TACR1: variants seen among roughly 807,000 people sequenced by gnomAD.
The protein encoded by TACR1 is substance-P receptor.
Under a neutral mutation model 35.8 loss-of-function variants are expected in TACR1, and 25 were observed. The observed-to-expected ratio is 0.70, with a 90% CI of 0.51 to 0.98. TACR1 has a LOEUF of 0.98. TACR1 is among the 50% of genes least tolerant of loss of function. The pLI is 0.00. For missense variants in TACR1, 478 were observed against 522.9 expected (o/e 0.91, Z 0.84); for synonymous variants, 195 against 206.7 (o/e 0.94, Z 0.48).
At chr2:75,195,309 A>G (rs2103636272) in intron 1 of TACR1, among the ~76,000 whole-genome samples, 1 of 152,012 alleles carries the variant, frequency 6.6e-6, no homozygotes, top group Non-Finnish European at 1.5e-5. Flanking sequence ...ACTCTTTCTA[A>G]TGGAGATATT....
chr2:75,148,016 G>A (rs192132086), intron 1 of TACR1, among the ~76,000 whole-genome samples: 6 of 152,024 alleles, frequency 3.9e-5, no homozygotes, highest in South Asian at 2.1e-4. Flanking sequence ...AAAGTGCTGC[G>A]ATTACAGTTG....
At position 75,054,352 on chromosome 2, in the gene TACR1, A is replaced by T. The variant is rs550680159; in HGVS notation, c.585-597T>A. On this transcript the variant is annotated intron_variant, in intron 2 of 4. Transcript: ENST00000305249. The stretch of plus-strand genomic sequence containing the variant: ...AGAATAATTAGCCTGAATGAGAGAG[A>T]TAAGAGTAATCCTAGAACTAGAATT... Among the ~76,000 whole-genome samples the T allele has an allele frequency of 1.2e-4, 18 of 152,322 alleles. No homozygotes were observed. The South Asian group carries it at 3.7e-3, about 32-fold the overall frequency.
At chr2:75,101,886 G>A (rs553042764) in intron 2 of TACR1, among the ~76,000 whole-genome samples, 1 of 152,274 alleles carries the variant, frequency 6.6e-6, no homozygotes, top group Admixed American at 6.5e-5. Flanking sequence ...GGAGGTTGCA[G>A]TGAACCGAGA....
intron 1 of TACR1, among the ~76,000 whole-genome samples, chr2:75,182,085 G>A (rs917097355): frequency 6.6e-6 from 1 of 152,226 alleles, no homozygotes; most frequent in Non-Finnish European, 1.5e-5. Context: ...CTTAGGCTAA[G>A]GATTAGACAG....
At chr2:75,091,408 A>G (rs950879844) in intron 2 of TACR1, among the ~76,000 whole-genome samples, 2 of 152,052 alleles carry the variant, frequency 1.3e-5, no homozygotes, top group Admixed American at 1.3e-4. Flanking sequence ...ATGGTTCATG[A>G]CCAATAATAA....
intron 2 of TACR1, among the ~76,000 whole-genome samples, chr2:75,073,145 T>A (rs1443606066): frequency 1.3e-5 from 2 of 152,224 alleles, no homozygotes; most frequent in Non-Finnish European, 2.9e-5. Context: ...CCCCTGAGAA[T>A]CTATAGTCAC....
chr2:75,080,516 G>A (rs1673067583), intron 2 of TACR1, among the ~76,000 whole-genome samples: 1 of 152,094 alleles, frequency 6.6e-6, no homozygotes, highest in Non-Finnish European at 1.5e-5. Context: ...GAAACATATT[G>A]AATTGCCCAT....
Position 75,162,939 on chromosome 2 carries a change from T to C in TACR1, c.389+35607A>G, listed in dbSNP as rs191854124. Among the ~76,000 whole-genome samples, 254 of 152,336 alleles carry C rather than the reference T, an allele frequency of 1.7e-3. 1 individual carries two copies. The highest frequency in any genetic ancestry group is 2.6e-3 in the Non-Finnish European group (176 of 68,028). On this transcript the variant is annotated intron_variant, in intron 1 of 4. Transcript: ENST00000305249. ...TACTGGGCCTACCTCATATTTTCCC[T>C]GTCCTGGTCCCATAAGAGATTATAC...
At chr2:75,195,100 A>G (rs1675934762) in intron 1 of TACR1, among the ~76,000 whole-genome samples, 1 of 152,180 alleles carries the variant, frequency 6.6e-6, no homozygotes, top group Non-Finnish European at 1.5e-5. Context: ...TTCAAATTTC[A>G]TGAAACATCA....
intron 1 of TACR1, among the ~76,000 whole-genome samples, chr2:75,159,425 A>G (rs1674946531): frequency 6.6e-6 from 1 of 152,206 alleles, no homozygotes; most frequent in Non-Finnish European, 1.5e-5. Context: ...TGATATAACT[A>G]AGAAAAAACA....
chr2:75,149,033 G>T (rs992643368), intron 1 of TACR1, among the ~76,000 whole-genome samples: 1 of 152,150 alleles, frequency 6.6e-6, no homozygotes, highest in African/African-American at 2.4e-5. Flanking sequence ...GATAGTTTTA[G>T]ATGTGTAGTG....
intron 2 of TACR1, among the ~76,000 whole-genome samples, chr2:75,062,017 C>T (rs908092142): frequency 6.6e-6 from 1 of 152,182 alleles, no homozygotes; most frequent in African/African-American, 2.4e-5. Context: ...GTTTTCATCA[C>T]AAAATCAGCA....
At chr2:75,059,912 G>A (rs1672640084) in intron 2 of TACR1, among the ~76,000 whole-genome samples, 1 of 152,112 alleles carries the variant, frequency 6.6e-6, no homozygotes, top group South Asian at 2.1e-4. Context: ...AAAATTTCAG[G>A]TCCATGTGGC....
At chr2:75,143,118 C>G (rs1473585731) in intron 1 of TACR1, among the ~76,000 whole-genome samples, 1 of 151,972 alleles carries the variant, frequency 6.6e-6, no homozygotes, top group Non-Finnish European at 1.5e-5. Context: ...GAGCAGAGGC[C>G]CTGTGGTGTG....
chr2:75,148,279 C>A (rs2103960487), intron 1 of TACR1, among the ~76,000 whole-genome samples: 2 of 152,242 alleles, frequency 1.3e-5, no homozygotes, highest in East Asian at 3.9e-4. Context: ...GTTCTAGATC[C>A]TTGAGGAATC....
At chr2:75,153,831 T>A (rs1440232422) in intron 1 of TACR1, among the ~76,000 whole-genome samples, 2 of 152,242 alleles carry the variant, frequency 1.3e-5, no homozygotes, top group Non-Finnish European at 2.9e-5. Context: ...ACGTATCCTC[T>A]CTTCCTATTC....
chr2:75,125,758 A>G (rs1397294537), intron 1 of TACR1, among the ~76,000 whole-genome samples: 3 of 152,240 alleles, frequency 2.0e-5, no homozygotes, highest in Non-Finnish European at 4.4e-5. Context: ...TCTGTCATAT[A>G]GACACCCAGG....
intron 1 of TACR1, among the ~76,000 whole-genome samples, chr2:75,190,577 G>A (rs1025550956): frequency 4.6e-5 from 7 of 152,116 alleles, no homozygotes; most frequent in Non-Finnish European, 7.4e-5. Context: ...TTTACTAGAG[G>A]GCATAATATT....
intron 2 of TACR1, among the ~76,000 whole-genome samples, chr2:75,078,514 C>G (rs1572915814): frequency 6.6e-6 from 1 of 152,016 alleles, no homozygotes; most frequent in Non-Finnish European, 1.5e-5. Flanking sequence ...TCTACCTTGT[C>G]TCTATTTTAT....
Sources: allele counts gnomAD v4.1 joint callset (sites outside exome capture counted in the v4.1 genomes callset), GRCh38; gene constraint gnomAD v4.1.1; transcripts MANE v1.5; gene names NCBI Gene and HGNC (gene_info 2026-07-23, HGNC 2026-07-21).